Variants in GRSF1 observed in about 807,000 individuals in gnomAD.
GRSF1 encodes the protein G-rich sequence factor 1.
In GRSF1, 50 loss-of-function variants were observed where a neutral mutation model predicts 51.1. That is an observed-to-expected ratio of 0.98 (90% CI 0.78 to 1.24). The LOEUF (loss-of-function observed/expected upper bound fraction) is 1.24. Among genes scored for constraint, GRSF1 ranks in the 50% most tolerant of loss-of-function variants. The probability of loss-of-function intolerance (pLI) is 0.00; values close to 1 mark genes in which losing one functional copy is unlikely to be tolerated. For missense variants in GRSF1, 700 were observed against 639.7 expected, an observed-to-expected ratio of 1.09 and a Z score of -1.02; for synonymous variants, 293 against 253.3, an observed-to-expected ratio of 1.16 and a Z score of -1.49.
intron 3 of GRSF1, among the ~76,000 whole-genome samples, chr4:70,832,716 G>C (rs971519008): frequency 3.3e-5 from 5 of 152,244 alleles, no homozygotes; most frequent in Non-Finnish European, 7.3e-5. Context: ...GGGAGGCCAA[G>C]GCGGGTGGAT....
intron 1 of GRSF1, among the ~76,000 whole-genome samples, chr4:70,837,656 T>C (rs1024399277): frequency 2.6e-5 from 4 of 151,818 alleles, no homozygotes; most frequent in African/African-American, 9.7e-5. Context: ...TTCTTTTTTC[T>C]TGAGACGGAG....
Position 70,836,171 on chromosome 4 carries a change from A to C in GRSF1, c.501T>G (p.Leu167=). The change falls in exon 2 of 10, where the codon CTT becomes CTG. Residue 167 remains leucine, a synonymous_variant. Coordinates refer to ENST00000254799, the MANE Select transcript of GRSF1 (RefSeq NM_002092.4). The stretch of plus-strand genomic sequence containing the variant: ...CATAAAATATACCTGAAAAAAAGTT[A>C]AGCACATCTTCCATAGTGCATGACC... ...LPWSCTMEDV[L]NFFSDCRIRN... The C allele has an allele frequency of 6.5e-7, 1 of 1,538,044 alleles. No homozygotes were observed. Among genetic ancestry groups the C allele is most frequent in the Non-Finnish European group, 8.7e-7 (1 of 1,148,970 alleles).
chr4:70,825,954 C>T (rs978815470), intron 7 of GRSF1, 170 bp downstream of exon 7: 3 of 600,158 alleles, frequency 5.0e-6, no homozygotes, highest in Non-Finnish European at 8.7e-6. Context: ...TACCAAGCCA[C>T]ACTTTTCAGC....
chr4:70,840,127 G>A (rs1734414419), upstream of GRSF1, among the ~76,000 whole-genome samples: 1 of 48,222 alleles, frequency 2.1e-5, no homozygotes, highest in Non-Finnish European at 4.3e-5. Flanking sequence ...TTTGGGCGGG[G>A]CTGCCCATGG....
intron 5 of GRSF1, among the ~76,000 whole-genome samples, chr4:70,828,736 A>AT (rs35686810): frequency 0.6 from 80,109 of 133,190 alleles, 26,558 homozygotes; most frequent in Non-Finnish European, 0.74. Context: ...CACACTGCTA[A>AT]TTTTTTTTTT....
chr4:70,838,919 T>G (rs981245484), intron 1 of GRSF1: 7 of 335,838 alleles, frequency 2.1e-5, no homozygotes, highest in Admixed American at 2.0e-4. Flanking sequence ...CCGGGACAGC[T>G]CGTCTTTCCC....
chr4:70,837,812 A>AT lies in GRSF1; in HGVS notation c.358-1499dup, dbSNP rs200487359. ...CACCCCGCCCGGCTAATTTTTTTGC[A>AT]TTTTTTTAGTAGACACGGAGTTTCA... On this transcript the variant is annotated intron_variant, in intron 1 of 9. Transcript: ENST00000254799. 5.0e-3 allele frequency among the ~76,000 whole-genome samples: 759 copies of AT among 150,718 alleles called. 9 individuals are homozygous for AT. The highest frequency in any genetic ancestry group is 0.018 in the African/African-American group (720 of 41,132).
At chr4:70,842,452 T>C (rs1297748672), upstream of GRSF1, among the ~76,000 whole-genome samples, 2 of 152,192 alleles carry the variant, frequency 1.3e-5, no homozygotes, top group Admixed American at 6.5e-5. Context: ...CTTATTTATA[T>C]AGAGACAGGG....
chr4:70,831,269 C>G (rs370861437), intron 5 of GRSF1, among the ~76,000 whole-genome samples: 1 of 151,792 alleles, frequency 6.6e-6, no homozygotes, highest in African/African-American at 2.4e-5. Flanking sequence ...GCAGGAGAAT[C>G]GCTTAAACCA....
rs2148831138 is a variant in GRSF1 at position 70,816,719 on chromosome 4, TCAAACACAAAAAA to T, written c.*4155_*4167del. 6.6e-6 allele frequency: 1 copy of T among 152,246 alleles called. No homozygotes were observed. The highest frequency in any genetic ancestry group is 1.9e-4 in the East Asian group (1 of 5,184). 9.4% of individuals were successfully genotyped at this position (152,246 alleles called of 1,614,324 possible). A position where few individuals can be genotyped will look rare whatever the true frequency, so the allele number is the denominator to read the frequency against. ...CAGCCTGGGTGACAGAGCGACTGTC[TCAAACACAAAAAA>T]CAAAAACAAAAACAAATTCCCATGA... On this transcript the variant is annotated 3_prime_UTR_variant, in exon 10 of 10. Coordinates refer to ENST00000254799, the MANE Select transcript of GRSF1 (RefSeq NM_002092.4).
chr4:70,831,752 A>G, intron 4 of GRSF1, 78 bp from the exon 5 acceptor site: 1 of 1,302,504 alleles, frequency 7.7e-7, no homozygotes, highest in African/African-American at 1.5e-5. Flanking sequence ...ACATACTAAT[A>G]AAATTTTTAT....
intron 1 of GRSF1, among the ~76,000 whole-genome samples, chr4:70,838,126 G>A (rs1159920000): frequency 1.3e-5 from 2 of 149,680 alleles, no homozygotes; most frequent in African/African-American, 4.9e-5. Flanking sequence ...GGCTGAAGCA[G>A]GAGAATGGCG....
At chr4:70,825,705 G>A in intron 7 of GRSF1, 1 of 309,230 alleles carries the variant, frequency 3.2e-6, no homozygotes. Flanking sequence ...GCCGAGGACA[G>A]TGGATCGCTT....
At chr4:70,835,574 A>G (rs1734172674) in intron 2 of GRSF1, among the ~76,000 whole-genome samples, 1 of 150,224 alleles carries the variant, frequency 6.7e-6, no homozygotes, top group Non-Finnish European at 1.5e-5. Context: ...CTCCTGCCTC[A>G]GCCTCCCAAG....
upstream of GRSF1, among the ~76,000 whole-genome samples, chr4:70,840,417 G>A (rs956377362): frequency 2.6e-5 from 4 of 152,310 alleles, no homozygotes; most frequent in African/African-American, 7.2e-5. Flanking sequence ...CCTGAGGTCA[G>A]GAGTTCGAGA....
chr4:70,838,538 A>C lies in GRSF1; in HGVS notation c.357+933T>G, dbSNP rs1159450348. Among the ~76,000 whole-genome samples the C allele has an allele frequency of 2.0e-5, 3 of 152,274 alleles. No individual in the cohort carries two copies. The South Asian group carries it at 6.2e-4, about 32-fold the overall frequency. ...TGCTGATTAGCCTCCCAGTCTCCCT[A>C]AGTTAAAGGAGAAGCACAAATTGAA... On this transcript the variant is annotated intron_variant, in intron 1 of 9. Transcript: ENST00000254799.
chr4:70,830,447 A>T (rs964144253), intron 5 of GRSF1, among the ~76,000 whole-genome samples: 2 of 126,968 alleles, frequency 1.6e-5, no homozygotes, highest in African/African-American at 6.1e-5. Flanking sequence ...CCTGTGTCTT[A>T]AAAAAAAAAA....
At chr4:70,822,167 A>C (rs1733541803) in intron 9 of GRSF1, among the ~76,000 whole-genome samples, 1 of 152,172 alleles carries the variant, frequency 6.6e-6, no homozygotes, top group Admixed American at 6.6e-5. Context: ...TAACACTATA[A>C]AATTATGTAC....
At position 70,835,743 on chromosome 4, in the gene GRSF1, T is replaced by C. The variant is rs544426079; in HGVS notation, c.514+415A>G. ...GGCGTGAGCCACTGCGCCTGGCCCA[T>C]ACTATGCAGTCTTAACGTTAAAATA... On this transcript the variant is annotated intron_variant, in intron 2 of 9. Transcript: ENST00000254799. Among the ~76,000 whole-genome samples the C allele has an allele frequency of 3.3e-5, 5 of 152,066 alleles. No homozygotes were observed. In the South Asian group the frequency reaches 6.2e-4, roughly 19 times the overall value.
Sources: allele counts gnomAD v4.1 joint callset (sites outside exome capture counted in the v4.1 genomes callset), GRCh38; gene constraint gnomAD v4.1.1; transcripts MANE v1.5; gene names NCBI Gene and HGNC (gene_info 2026-07-23, HGNC 2026-07-21).